NCAM1: variants seen among roughly 807,000 people sequenced by gnomAD.
NCAM1 encodes neural cell adhesion molecule 1, also known as antigen recognized by monoclonal antibody 5.1H11.
In NCAM1, 14 loss-of-function variants were observed where a neutral mutation model predicts 109.8. That is an observed-to-expected ratio of 0.13 (90% CI 0.08 to 0.20). The LOEUF is 0.20. Among genes scored for constraint, NCAM1 ranks in the 10% least tolerant of loss-of-function variants. NCAM1 has a pLI of 1.00. For synonymous variants in NCAM1, 418 were observed against 442.9 expected, an observed-to-expected ratio of 0.94 and a Z score of 0.70; for missense variants, 774 against 1,109.9, an observed-to-expected ratio of 0.70 and a Z score of 4.30.
At chr11:112,974,190 A>G (rs1416751165) in intron 1 of NCAM1, among the ~76,000 whole-genome samples, 1 of 152,106 alleles carries the variant, frequency 6.6e-6, no homozygotes, top group Admixed American at 6.6e-5. Context: ...GAGGCCTCTG[A>G]AGAGCTAGCA....
At chr11:113,019,700 A>G (rs1476917367) in intron 1 of NCAM1, among the ~76,000 whole-genome samples, 1 of 152,222 alleles carries the variant, frequency 6.6e-6, no homozygotes, top group East Asian at 1.9e-4. Flanking sequence ...GGTCCCACGT[A>G]TTCCATTGCT....
At chr11:113,232,406 G>A in intron 11 of NCAM1, 52 bp downstream of exon 11, 1 of 1,521,830 alleles carries the variant, frequency 6.6e-7, no homozygotes, top group Admixed American at 1.9e-5. Flanking sequence ...TTTGACTCTA[G>A]GTGGGCTCCA....
At chr11:113,252,798 G>GTTTTT (rs1565531031) in intron 15 of NCAM1, among the ~76,000 whole-genome samples, 2 of 44,782 alleles carry the variant, frequency 4.5e-5, no homozygotes. Context: ...ACTATGCCCA[G>GTTTTT]CTTTTTTTTT....
intron 1 of NCAM1, among the ~76,000 whole-genome samples, chr11:113,071,627 G>A (rs945420436): frequency 7.2e-5 from 11 of 151,790 alleles, no homozygotes; most frequent in South Asian, 4.2e-4. Context: ...GGGTTTCACC[G>A]TGTTAGCCAG....
chr11:113,249,814 C>G (rs560680314), intron 15 of NCAM1, among the ~76,000 whole-genome samples: 1 of 152,174 alleles, frequency 6.6e-6, no homozygotes, highest in Non-Finnish European at 1.5e-5. Flanking sequence ...TGTCAGAGCT[C>G]GTTGGTTGCT....
At chr11:113,131,536 C>A (rs1398302867) in intron 1 of NCAM1, among the ~76,000 whole-genome samples, 3 of 152,220 alleles carry the variant, frequency 2.0e-5, no homozygotes, top group Non-Finnish European at 4.4e-5. Flanking sequence ...CAGTGCGCCA[C>A]CCTTGCAAGG....
At chr11:113,176,707 CATT>C (rs1565480620) in intron 1 of NCAM1, among the ~76,000 whole-genome samples, 1 of 152,122 alleles carries the variant, frequency 6.6e-6, no homozygotes, top group Non-Finnish European at 1.5e-5. Flanking sequence ...TAAATCCTCT[CATT>C]GTTTGTTTTT....
chr11:113,176,322 C>A (rs1436101689), intron 1 of NCAM1, among the ~76,000 whole-genome samples: 1 of 152,098 alleles, frequency 6.6e-6, no homozygotes, highest in Admixed American at 6.5e-5. Flanking sequence ...CTTTTAAAAG[C>A]AAAGGTGTAT....
chr11:113,185,278 CA>C (rs1943474982), intron 1 of NCAM1, among the ~76,000 whole-genome samples: 1 of 151,798 alleles, frequency 6.6e-6, no homozygotes, highest in South Asian at 2.1e-4. Flanking sequence ...AGTCTGAAGG[CA>C]GAAGAAAACC....
intron 9 of NCAM1, among the ~76,000 whole-genome samples, chr11:113,229,096 ACT>A (rs1944929239): frequency 6.7e-6 from 1 of 148,428 alleles, no homozygotes; most frequent in African/African-American, 2.6e-5. Context: ...ATATAATTAA[ACT>A]AAAGAGCTTC....
chr11:113,221,990 A>C (rs1555115422), intron 9 of NCAM1: 1 of 152,244 alleles, frequency 6.6e-6, no homozygotes, highest in African/African-American at 2.4e-5. Context: ...CAGTTTGGAT[A>C]ATGTGGGACT....
chr11:113,193,689 GAGAGAA>G (rs1299352820), intron 1 of NCAM1, among the ~76,000 whole-genome samples: 2 of 151,982 alleles, frequency 1.3e-5, no homozygotes, highest in African/African-American at 4.8e-5. Context: ...AACAGAGAAA[GAGAGAA>G]AGAGAAAGGG....
chr11:113,083,587 G>A (rs143423936), intron 1 of NCAM1, among the ~76,000 whole-genome samples: 2 of 152,326 alleles, frequency 1.3e-5, no homozygotes, highest in African/African-American at 4.8e-5. Context: ...CTAGTAAGTA[G>A]TCGTTTTTGT....
intron 14 of NCAM1, among the ~76,000 whole-genome samples, chr11:113,245,116 A>T (rs1302312762): frequency 1.3e-5 from 2 of 151,946 alleles, no homozygotes; most frequent in Non-Finnish European, 1.5e-5. Flanking sequence ...TGTAAATCTC[A>T]AATTTATGAC....
At chr11:113,239,499 CTTTTTTTT>C (rs55641415) in intron 14 of NCAM1, among the ~76,000 whole-genome samples, 18 of 110,194 alleles carry the variant, frequency 1.6e-4, no homozygotes, top group Admixed American at 2.3e-4. Context: ...TGAGTCTCTA[CTTTTTTTT>C]TTTTTTTTTT....
intron 1 of NCAM1, among the ~76,000 whole-genome samples, chr11:113,142,499 A>G (rs1419758525): frequency 6.6e-6 from 1 of 152,120 alleles, no homozygotes; most frequent in Non-Finnish European, 1.5e-5. Flanking sequence ...TCTTTGCCAC[A>G]CTGCCTAGGG....
intron 1 of NCAM1, among the ~76,000 whole-genome samples, chr11:113,075,444 T>A (rs1297508160): frequency 2.0e-5 from 3 of 152,178 alleles, no homozygotes; most frequent in African/African-American, 7.2e-5. Flanking sequence ...GCATATGGCA[T>A]CTGGAAATGG....
intron 14 of NCAM1, among the ~76,000 whole-genome samples, chr11:113,237,945 T>TAG (rs1397593284): frequency 3.5e-5 from 2 of 56,744 alleles, no homozygotes; most frequent in African/African-American, 1.2e-4. Context: ...TAGATATATA[T>TAG]ATAGATATAT....
chr11:113,031,797 C>T (rs1476702720), intron 1 of NCAM1, among the ~76,000 whole-genome samples: 1 of 152,152 alleles, frequency 6.6e-6, no homozygotes, highest in Non-Finnish European at 1.5e-5. Flanking sequence ...GGAAGGACAA[C>T]ACTCTGCACA....
Sources: allele counts gnomAD v4.1 joint callset (sites outside exome capture counted in the v4.1 genomes callset), GRCh38; gene constraint gnomAD v4.1.1; transcripts MANE v1.5; gene names NCBI Gene and HGNC (gene_info 2026-07-23, HGNC 2026-07-21).